Variants in ZDHHC8 observed in about 807,000 individuals in gnomAD.
The protein encoded by ZDHHC8 is zDHHC palmitoyltransferase 8.
In ZDHHC8, 24 loss-of-function variants were observed where a neutral mutation model predicts 61.2. The observed-to-expected ratio is 0.39, with a 90% CI of 0.28 to 0.55. The LOEUF is 0.55. ZDHHC8 is among the 20% of genes least tolerant of loss of function. ZDHHC8 has a pLI of 0.60. For missense variants in ZDHHC8, 935 were observed against 1,102.1 expected, an observed-to-expected ratio of 0.85 and a Z score of 2.15; for synonymous variants, 523 against 492.5, an observed-to-expected ratio of 1.06 and a Z score of -0.82.
At chr22:20,133,818 C>T (rs902656726) in intron 1 of ZDHHC8, among the ~76,000 whole-genome samples, 1 of 152,116 alleles carries the variant, frequency 6.6e-6, no homozygotes, top group Non-Finnish European at 1.5e-5. Context: ...ACACACCCCC[C>T]ATCTCCTGTC....
intron 4 of ZDHHC8, 45 bp downstream of exon 4, chr22:20,139,937 CG>C: frequency 6.2e-7 from 1 of 1,601,494 alleles, no homozygotes. Context: ...CGATGTGGAC[CG>C]GGGACACGTT....
At position 20,145,854 on chromosome 22, in the gene ZDHHC8, C is replaced by T. The variant is rs2050517779; in HGVS notation, c.*454C>T. ...TGACACAGCCTGTGGGCTCCCGGACCGAGTGTCCCCCGCCAGGCTACTCCT... is the reference window on the plus strand; with the variant it reads ...TGACACAGCCTGTGGGCTCCCGGACTGAGTGTCCCCCGCCAGGCTACTCCT... On this transcript the variant is annotated 3_prime_UTR_variant, in exon 11 of 11. Coordinates refer to ENST00000334554, the MANE Select transcript of ZDHHC8 (RefSeq NM_013373.4). The T allele has an allele frequency of 1.2e-5, 12 of 986,562 alleles. No individual in the cohort carries two copies. Among genetic ancestry groups the T allele is most frequent in the East Asian group, 2.3e-4 (2 of 8,840 alleles). 61.1% of individuals were successfully genotyped at this position (986,562 alleles called of 1,614,324 possible). A position where few individuals can be genotyped will look rare whatever the true frequency, so the allele number is the denominator to read the frequency against.
rs2050511229 is a variant in ZDHHC8, at chr22:20,145,292, G to C, written c.2190G>C (p.Arg730=). 1 of 1,589,052 alleles carries C rather than the reference G, an allele frequency of 6.3e-7. No homozygotes were observed. Among genetic ancestry groups the C allele is most frequent in the Non-Finnish European group, 8.6e-7 (1 of 1,168,722 alleles). ...KLNGQSPGLA[R]LGPATGPPGP... ...ATGGGCAGTCCCCGGGCCTGGCCCG[G>C]CTGGGACCTGCCACCGGCCCCCCAG... Residue 730 remains arginine (R), a synonymous_variant, in exon 11 of 11, where the codon CGG becomes CGC. Transcript: ENST00000334554.
In ZDHHC8 at chr22:20,131,880, CCCGG is replaced by C; in HGVS notation, c.-65_-62del. 1 of 670,704 alleles carries C rather than the reference CCCGG, an allele frequency of 1.5e-6. No individual in the cohort carries two copies. Among genetic ancestry groups the C allele is most frequent in the Non-Finnish European group, 1.8e-6 (1 of 543,898 alleles). 41.5% of individuals were successfully genotyped at this position (670,704 alleles called of 1,614,324 possible). ...GCCGCGTCCAGCCCGCCCGCCCGAC[CCCGG>C]CCCGACCCCGGCCGGCCCTGCCCGC... On this transcript the variant is annotated 5_prime_UTR_variant, in exon 1 of 11. Transcript: ENST00000334554.
intron 7 of ZDHHC8, 50 bp from the exon 8 acceptor site, chr22:20,141,159 TAGTGAAGC>T: frequency 1.9e-6 from 3 of 1,588,334 alleles, no homozygotes; most frequent in Non-Finnish European, 2.6e-6. Context: ...GCTGAATCCC[TAGTGAAGC>T]CCTGCCCCTC....
At position 20,145,363 on chromosome 22, in the gene ZDHHC8, C is replaced by A; in HGVS notation, c.2261C>A (p.Ser754Tyr). 6.3e-7 allele frequency: 1 copy of A among 1,575,450 alleles called. No individual in the cohort carries two copies. Reference protein sequence around the residue: ...PTRHTLVKKVSGVGGTTYEIS... With the variant: ...PTRHTLVKKVYGVGGTTYEIS... Reference sequence around the variant, plus strand: ...CGGCACACGCTGGTTAAGAAGGTGTCCGGCGTGGGTGGGACCACCTACGAG... The same window carrying A: ...CGGCACACGCTGGTTAAGAAGGTGTACGGCGTGGGTGGGACCACCTACGAG... The change falls in exon 11 of 11, where the codon TCC (serine) becomes TAC (tyrosine). Residue 754 changes from serine (S) to tyrosine (Y), a missense_variant. Around this residue, in one of 3 missense-constraint regions of ZDHHC8, gnomAD observed 692 missense variants for 731.4 expected, o/e 0.95. Transcript: ENST00000334554.
Position 20,131,878 on chromosome 22 carries a change from A to AC in ZDHHC8, c.-66dup. On this transcript the variant is annotated 5_prime_UTR_variant, in exon 1 of 11. Transcript: ENST00000334554. ...GCGCCGCGTCCAGCCCGCCCGCCCG[A>AC]CCCCGGCCCGACCCCGGCCGGCCCT... 8.9e-6 allele frequency: 2 copies of AC among 224,796 alleles called. No individual in the cohort carries two copies. The highest frequency in any genetic ancestry group is 2.5e-5 in the African/African-American group (1 of 40,660). 13.9% of individuals were successfully genotyped at this position (224,796 alleles called of 1,614,324 possible).
intron 1 of ZDHHC8, among the ~76,000 whole-genome samples, chr22:20,138,901 G>A (rs2050443288): frequency 1.3e-5 from 2 of 152,180 alleles, no homozygotes. Context: ...TGGAGCCTAG[G>A]TCGCTGGAAT....
At position 20,143,643 on chromosome 22, in the gene ZDHHC8, G is replaced by A. The variant is rs187722815; in HGVS notation, c.2013G>A (p.Gln671=). ...GCTCACACAGGTCACCTGCACGCCA[G>A]GGCCTGCCCTCCCCGCCCGGCACTC... is the stretch of plus-strand genomic sequence containing the variant. ...SSGSHRSPAR[Q]GLPSPPGTPH... is the part of the protein sequence containing the mutation. The change falls in exon 10 of 11, where the codon CAG becomes CAA. Residue 671 remains glutamine, a synonymous_variant. Coordinates refer to ENST00000334554, the MANE Select transcript of ZDHHC8 (RefSeq NM_013373.4). 251 of 1,606,932 alleles carry A rather than the reference G, an allele frequency of 1.6e-4. No homozygotes were observed. The Middle Eastern group carries it at 2.4e-3, about 15-fold the overall frequency.
intron 5 of ZDHHC8, 98 bp downstream of exon 5, chr22:20,140,315 C>A: frequency 2.4e-6 from 3 of 1,245,732 alleles, no homozygotes; most frequent in Non-Finnish European, 3.3e-6. Context: ...CCTGAGGTAG[C>A]TTGTGCAGCT....
chr22:20,141,734 G>T (rs900659834), intron 9 of ZDHHC8, among the ~76,000 whole-genome samples: 3 of 152,180 alleles, frequency 2.0e-5, no homozygotes, highest in African/African-American at 7.2e-5. Context: ...CTGTCTGTGT[G>T]CACCCAGAGC....
Position 20,145,277 on chromosome 22 carries a change from C to T in ZDHHC8, c.2175C>T (p.Ser725=), listed in dbSNP as rs1179827754. The T allele has an allele frequency of 1.3e-6, 2 of 1,573,210 alleles. No homozygotes were observed. The part of the protein sequence containing the change: ...KTPPSKLNGQ[S]PGLARLGPAT... The stretch of plus-strand genomic sequence containing the variant: ...CCCCAAGTAAGCTTAATGGGCAGTC[C>T]CCGGGCCTGGCCCGGCTGGGACCTG... Residue 725 remains serine (S), a synonymous_variant, in exon 11 of 11, where the codon TCC becomes TCT. Coordinates refer to ENST00000334554, the MANE Select transcript of ZDHHC8 (RefSeq NM_013373.4).
Position 20,143,749 on chromosome 22 carries a change from G to T in ZDHHC8, c.2119G>T (p.Val707Leu), listed in dbSNP as rs559122312. Residue 707 changes from valine (V) to leucine (L), a missense_variant, in exon 10 of 11, where the codon GTG becomes TTG. Coordinates refer to ENST00000334554, the MANE Select transcript of ZDHHC8 (RefSeq NM_013373.4). ...DLPEPPPSLT[V>L]QRDHPQLKTP... ...CCCAGAGCCACCGCCCTCGCTGACC[G>T]TGCAGAGGTGGGTGCCGGGAGGTGC... 5 of 1,606,918 alleles carry T rather than the reference G, an allele frequency of 3.1e-6. No individual in the cohort carries two copies. Among genetic ancestry groups the T allele is most frequent in the Non-Finnish European group, 4.2e-6 (5 of 1,179,174 alleles).
rs74491992 is a variant in ZDHHC8 at position 20,142,445 on chromosome 22, G to A, written c.1126-311G>A. Among the ~76,000 whole-genome samples the A allele has an allele frequency of 8.7e-3, 1,319 of 152,314 alleles. 20 individuals carry two copies. Among genetic ancestry groups the A allele is most frequent in the African/African-American group, 0.03 (1,251 of 41,562 alleles). On this transcript the variant is annotated intron_variant, in intron 9 of 10. Coordinates refer to ENST00000334554, the MANE Select transcript of ZDHHC8 (RefSeq NM_013373.4). The stretch of plus-strand genomic sequence containing the variant: ...AGCCCAAGCCCATGCCTATGTGCCC[G>A]TCACAGGGGCTAGACGAGGCTCCTC...
rs541056883 is a variant in ZDHHC8, at chr22:20,133,093, A to T, written c.104+1042A>T. On this transcript the variant is annotated intron_variant, in intron 1 of 10. Transcript: ENST00000334554. The stretch of plus-strand genomic sequence containing the variant: ...GCCCCCACGTGCATCGCAAGGCTGA[A>T]TCGGGTGCCCGTGGAGGCGAGAGAG... Among the ~76,000 whole-genome samples, 313 of 152,314 alleles carry T rather than the reference A, an allele frequency of 2.1e-3. 2 individuals carry two copies. Among genetic ancestry groups the T allele is most frequent in the African/African-American group, 7.3e-3 (303 of 41,584 alleles).
chr22:20,142,929 G>T lies in ZDHHC8; in HGVS notation c.1299G>T (p.Leu433=). 6.2e-7 allele frequency: 1 copy of T among 1,605,362 alleles called. No individual in the cohort carries two copies. Among genetic ancestry groups the T allele is most frequent in the Non-Finnish European group, 8.5e-7 (1 of 1,175,244 alleles). The part of the protein sequence containing the change: ...SDAFSGALRS[L]SLKASSRRGG... The stretch of plus-strand genomic sequence containing the variant: ...CCTTCTCGGGCGCTTTGCGCTCCCT[G>T]AGCCTCAAGGCCTCGAGCCGGCGGG... The change falls in exon 10 of 11, where the codon CTG becomes CTT. Residue 433 remains leucine, a synonymous_variant. Coordinates refer to ENST00000334554, the MANE Select transcript of ZDHHC8 (RefSeq NM_013373.4).
At chr22:20,132,079 G>A in intron 1 of ZDHHC8, 28 bp downstream of exon 1, 4 of 1,239,636 alleles carry the variant, frequency 3.2e-6, no homozygotes, top group South Asian at 1.9e-5. Flanking sequence ...CTGGGGGCAC[G>A]CGGGCAGCGA....
intron 9 of ZDHHC8, among the ~76,000 whole-genome samples, chr22:20,142,409 TCCCAAG>T (rs1024020782): frequency 2.0e-5 from 3 of 152,256 alleles, no homozygotes; most frequent in Non-Finnish European, 2.9e-5. Flanking sequence ...GAGGCTCTTG[TCCCAAG>T]CCCAAGCCCA....
At chr22:20,143,936 A>G (rs1272745957) in intron 10 of ZDHHC8, among the ~76,000 whole-genome samples, 180 bp downstream of exon 10, 5 of 152,186 alleles carry the variant, frequency 3.3e-5, no homozygotes. Flanking sequence ...CGTGTGGCCC[A>G]GCTCTGAGGA....
Sources: gnomAD v4.1 joint callset for allele counts (sites outside exome capture counted in the v4.1 genomes callset) on GRCh38, gnomAD v4.1.1 for gene constraint, gnomAD v4.1.1 regional missense constraint, MANE v1.5 for transcripts, NCBI Gene and HGNC (gene_info 2026-07-23, HGNC 2026-07-21) for gene names.